The following ERC1 variants were observed in gnomAD, a reference collection of about 807,000 sequenced individuals.
ERC1 encodes the protein ELKS/RAB6-interacting/CAST family member 1, also known as RAB6 interacting protein 2.
Under a neutral mutation model 132.0 loss-of-function variants are expected in ERC1, and 56 were observed. That is an observed-to-expected ratio of 0.42 (90% confidence interval 0.34 to 0.53). The LOEUF is 0.53. Ranked by LOEUF, ERC1 falls within the 20% of genes least tolerant of loss-of-function variation. The pLI, the probability that ERC1 is intolerant of heterozygous loss-of-function variation, is 0.03. For synonymous variants in ERC1, 478 were observed against 476.1 expected, an observed-to-expected ratio of 1.00 and a Z score of -0.05; for missense variants, 1,202 against 1,349.9, an observed-to-expected ratio of 0.89 and a Z score of 1.72.
At chr12:1,126,986 CAAAAAAA>C (rs71055135) in intron 7 of ERC1, among the ~76,000 whole-genome samples, 55 of 114,202 alleles carry the variant, frequency 4.8e-4, no homozygotes, top group African/African-American at 2.1e-3. Flanking sequence ...GATTCTGTCT[CAAAAAAA>C]AAAAAAAAAA....
At chr12:1,267,550 A>C (rs1228800653) in intron 14 of ERC1, among the ~76,000 whole-genome samples, 2 of 152,206 alleles carry the variant, frequency 1.3e-5, no homozygotes, top group African/African-American at 4.8e-5. Flanking sequence ...CTTGAAGCCA[A>C]GAGTTAGAGA....
rs141886420 is a variant in ERC1, at chr12:1,460,129, T to C, written c.3213+15379T>C. 3.8e-3 allele frequency among the ~76,000 whole-genome samples: 586 copies of C among 152,368 alleles called. 3 individuals are homozygous for C. The highest frequency in any genetic ancestry group is 0.013 in the African/African-American group (548 of 41,588). ...ATTTTATAATCATTTATTTCAATGC[T>C]CAAATTCTCCAAGATGTTTCCCGCA... On this transcript the variant is annotated intron_variant, in intron 18 of 18. Transcript: ENST00000360905.
chr12:1,250,848 A>G (rs2076427586), intron 13 of ERC1, among the ~76,000 whole-genome samples: 1 of 152,180 alleles, frequency 6.6e-6, no homozygotes, highest in Admixed American at 6.5e-5. Context: ...AACAAAGATA[A>G]GTATCTGAAT....
At chr12:1,063,631 C>CT (rs143642945) in intron 2 of ERC1, among the ~76,000 whole-genome samples, 5,335 of 151,868 alleles carry the variant, frequency 0.035, 306 homozygotes, top group African/African-American at 0.12. Context: ...ATAGTTGAGT[C>CT]TTTTTTTAAA....
At chr12:1,155,377 C>G (rs763968202) in intron 8 of ERC1, among the ~76,000 whole-genome samples, 49 of 150,130 alleles carry the variant, frequency 3.3e-4, no homozygotes, top group Non-Finnish European at 6.5e-4. Flanking sequence ...TACTAGGAGT[C>G]TACCCAAAGG....
chr12:1,083,306 A>G lies in ERC1; in HGVS notation c.812A>G (p.His271Arg). 1.2e-6 allele frequency: 2 copies of G among 1,614,216 alleles called. No individual in the cohort carries two copies. Among genetic ancestry groups the G allele is most frequent in the East Asian group, 2.2e-5 (1 of 44,884 alleles). Residue 271 changes from histidine to arginine, a missense_variant, in exon 3 of 19, where the codon CAT becomes CGT. Physicochemically the swap from His to Arg is conservative, Grantham distance 29 (BLOSUM62 0). Transcript: ENST00000360905. ...ELTEENFQRL[H>R]AEHERQAKEL... ...ACAGAGGAGAACTTTCAGAGGCTTC[A>G]TGCTGAGCATGAGCGGCAGGCCAAA...
At chr12:1,282,417 C>A (rs915353201) in intron 14 of ERC1, among the ~76,000 whole-genome samples, 1 of 152,084 alleles carries the variant, frequency 6.6e-6, no homozygotes, top group Non-Finnish European at 1.5e-5. Flanking sequence ...CAGTGTACTT[C>A]AAAGTAGACA....
intron 2 of ERC1, among the ~76,000 whole-genome samples, chr12:1,031,834 A>C (rs142224111): frequency 6.6e-6 from 1 of 152,254 alleles, no homozygotes; most frequent in African/African-American, 2.4e-5. Context: ...GGGGTCTAAA[A>C]TTAAGGACAG....
At chr12:1,440,362 G>T (rs190625488) in intron 17 of ERC1, among the ~76,000 whole-genome samples, 7 of 149,182 alleles carry the variant, frequency 4.7e-5, no homozygotes, top group Non-Finnish European at 1.0e-4. Flanking sequence ...CCGCCACCAC[G>T]CCCGGCTAAT....
At chr12:1,155,128 G>A (rs1339760234) in intron 8 of ERC1, among the ~76,000 whole-genome samples, 4 of 151,952 alleles carry the variant, frequency 2.6e-5, no homozygotes, top group African/African-American at 9.7e-5. Context: ...GACAAACCTG[G>A]CAACATGGCC....
intron 15 of ERC1, among the ~76,000 whole-genome samples, chr12:1,306,898 G>T (rs1311409694): frequency 2.6e-5 from 4 of 152,104 alleles, no homozygotes; most frequent in African/African-American, 9.7e-5. Context: ...TATATCACAG[G>T]CAAACAATAG....
At chr12:1,131,664 A>C (rs1266895615) in intron 7 of ERC1, among the ~76,000 whole-genome samples, 2 of 151,846 alleles carry the variant, frequency 1.3e-5, no homozygotes, top group East Asian at 3.9e-4. Flanking sequence ...ATGGGGTTTC[A>C]CCCTGTTAGC....
At chr12:1,427,737 A>G (rs988189201) in intron 17 of ERC1, among the ~76,000 whole-genome samples, 2 of 152,170 alleles carry the variant, frequency 1.3e-5, no homozygotes, top group African/African-American at 4.8e-5. Context: ...GTTAAATGGC[A>G]ATCATAAAAC....
intron 18 of ERC1, among the ~76,000 whole-genome samples, chr12:1,455,225 A>G (rs2154418127): frequency 6.6e-6 from 1 of 152,346 alleles, no homozygotes; most frequent in East Asian, 1.9e-4. Flanking sequence ...AATGCTAGGA[A>G]CCTTGAAATT....
At chr12:1,121,813 ATCTCTATCTGTG>A (rs1177006393) in intron 7 of ERC1, among the ~76,000 whole-genome samples, 4 of 17,438 alleles carry the variant, frequency 2.3e-4, no homozygotes, top group African/African-American at 3.3e-4. Flanking sequence ...CTCTATCTCT[ATCTCTATCTGTG>A]TCTCTATCTC....
chr12:1,040,872 C>T (rs925165284), intron 2 of ERC1, among the ~76,000 whole-genome samples: 2 of 152,070 alleles, frequency 1.3e-5, no homozygotes, highest in African/African-American at 2.4e-5. Context: ...TGGCTGGTAG[C>T]TTATGTACTT....
intron 8 of ERC1, among the ~76,000 whole-genome samples, chr12:1,170,755 C>CATG (rs1952972856): frequency 1.3e-5 from 2 of 152,284 alleles, no homozygotes; most frequent in South Asian, 4.1e-4. Context: ...CCCCTAGTTC[C>CATG]ATGATCTGTA....
At chr12:1,391,685 G>C (rs143283379) in intron 16 of ERC1, among the ~76,000 whole-genome samples, 26 of 152,310 alleles carry the variant, frequency 1.7e-4, no homozygotes, top group African/African-American at 5.8e-4. Flanking sequence ...CCCGCCGCTT[G>C]GTCTTTACTG....
chr12:1,409,516 A>G (rs2091716935), intron 17 of ERC1, among the ~76,000 whole-genome samples: 1 of 152,204 alleles, frequency 6.6e-6, no homozygotes, highest in Non-Finnish European at 1.5e-5. Flanking sequence ...GCCCTGAGAT[A>G]GAGATAGCAT....
Sources: allele counts gnomAD v4.1 joint callset (sites outside exome capture counted in the v4.1 genomes callset), GRCh38; gene constraint gnomAD v4.1.1; transcripts MANE v1.5; gene names NCBI Gene and HGNC (gene_info 2026-07-23, HGNC 2026-07-21).